Variants in ANKFN1 observed in about 807,000 individuals in gnomAD.
ANKFN1 encodes ankyrin repeat and fibronectin type III domain containing 1.
Under a neutral mutation model 108.7 loss-of-function variants are expected in ANKFN1, and 74 were observed. That is an observed-to-expected ratio of 0.68 (90% CI 0.56 to 0.83). ANKFN1 has a LOEUF of 0.83. Ranked by LOEUF, ANKFN1 falls within the 40% of genes least tolerant of loss-of-function variation. The probability of loss-of-function intolerance (pLI) is 0.00; values close to 1 mark genes in which losing one functional copy is unlikely to be tolerated. For synonymous variants in ANKFN1, 547 were observed against 516.2 expected (o/e 1.06, Z -0.81); for missense variants, 1,505 against 1,382.3 (o/e 1.09, Z -1.41).
chr17:56,394,156 C>G (rs1462336858), intron 8 of ANKFN1, among the ~76,000 whole-genome samples: 1 of 152,176 alleles, frequency 6.6e-6, no homozygotes, highest in African/African-American at 2.4e-5. Flanking sequence ...TTGTCCAACA[C>G]CCTTCTTTCA....
At chr17:56,368,712 GA>G (rs1175512518) in intron 6 of ANKFN1, among the ~76,000 whole-genome samples, 1 of 151,904 alleles carries the variant, frequency 6.6e-6, no homozygotes, top group East Asian at 1.9e-4. Context: ...TTGTCCAGTT[GA>G]AAAAAGGTTG....
At chr17:56,381,831 G>A (rs994137766) in intron 8 of ANKFN1, among the ~76,000 whole-genome samples, 1 of 152,148 alleles carries the variant, frequency 6.6e-6, no homozygotes, top group Non-Finnish European at 1.5e-5. Flanking sequence ...GAATGTGACG[G>A]GGAGAATGGA....
Position 56,372,751 on chromosome 17 carries a change from T to C in ANKFN1, c.707T>C (p.Leu236Pro), listed in dbSNP as rs1449724678. The change falls in exon 7 of 21, where the codon CTG becomes CCG. Residue 236 changes from leucine to proline, a missense_variant. By Grantham distance (98) the Leu-to-Pro change is moderately conservative. Coordinates refer to ENST00000682825, the MANE Select transcript of ANKFN1 (RefSeq NM_001370326.1). The part of the protein sequence containing the change: ...SAQVENEGFT[L>P]DNTEKEKQLK... ...CAGGTGGAGAATGAAGGATTCACTCTGGACAACACAGAGAAAGAGAAGCAG... is the reference window on the plus strand; with the variant it reads ...CAGGTGGAGAATGAAGGATTCACTCCGGACAACACAGAGAAAGAGAAGCAG... The C allele has an allele frequency of 5.0e-6, 8 of 1,614,064 alleles. No individual in the cohort carries two copies. Among genetic ancestry groups the C allele is most frequent in the South Asian group, 1.1e-5 (1 of 91,078 alleles).
intron 4 of ANKFN1, among the ~76,000 whole-genome samples, chr17:56,328,789 G>T (rs893340933): frequency 2.6e-5 from 4 of 151,734 alleles, no homozygotes; most frequent in African/African-American, 4.8e-5. Flanking sequence ...AAAAAAAAGG[G>T]GGGGCAGGAA....
chr17:56,370,962 C>T (rs2046796157), intron 6 of ANKFN1, among the ~76,000 whole-genome samples: 1 of 151,314 alleles, frequency 6.6e-6, no homozygotes, highest in Non-Finnish European at 1.5e-5. Context: ...TTTTTTTCTC[C>T]AGAACCTCTG....
intron 2 of ANKFN1, among the ~76,000 whole-genome samples, chr17:56,219,398 C>T (rs968975945): frequency 6.6e-6 from 1 of 152,006 alleles, no homozygotes; most frequent in African/African-American, 2.4e-5. Flanking sequence ...AGGTGTGCAC[C>T]ACCATGCCTG....
At position 56,262,022 on chromosome 17, in the gene ANKFN1, C is replaced by G. The variant is rs188605489; in HGVS notation, c.53+34065C>G. ...AGCCTAAGGGATCTGAAAGGCATTT[C>G]AAGATCAACGTGGAGAGATTTCCAG... On this transcript the variant is annotated intron_variant, in intron 3 of 20. Transcript: ENST00000682825. 3.5e-3 allele frequency among the ~76,000 whole-genome samples: 527 copies of G among 152,324 alleles called. 3 individuals are homozygous for G. The highest frequency in any genetic ancestry group is 5.4e-3 in the Non-Finnish European group (365 of 68,026).
intron 1 of ANKFN1, among the ~76,000 whole-genome samples, chr17:56,187,982 AT>A (rs1912408469): frequency 6.6e-6 from 1 of 152,204 alleles, no homozygotes; most frequent in African/African-American, 2.4e-5. Context: ...CTGAATGTAA[AT>A]CACAAGTTAA....
intron 4 of ANKFN1, among the ~76,000 whole-genome samples, chr17:56,100,021 CAAAG>C (rs910732347): frequency 6.6e-6 from 1 of 152,298 alleles, no homozygotes; most frequent in South Asian, 2.1e-4. Flanking sequence ...GAAACTCTAA[CAAAG>C]AAAGCGGCAA....
In ANKFN1 at chr17:56,092,249, A is replaced by G. The variant is rs531075147; in HGVS notation, c.288+45924A>G. 6.7e-5 allele frequency among the ~76,000 whole-genome samples: 10 copies of G among 148,528 alleles called. 1 individual carries two copies. Among genetic ancestry groups the G allele is most frequent in the Non-Finnish European group, 1.2e-4 (8 of 67,332 alleles). On this transcript the variant is annotated intron_variant, in intron 4 of 12. Transcript: ENST00000635860. ...AATTTGTCTGCATCACAATGTAGGC[A>G]CAGGGAGTGAGGTAGTATTTTTTTT...
At chr17:56,050,098 A>G (rs1401379788) in intron 4 of ANKFN1, among the ~76,000 whole-genome samples, 1 of 151,748 alleles carries the variant, frequency 6.6e-6, no homozygotes, top group Non-Finnish European at 1.5e-5. Context: ...CTGGTGTGAG[A>G]TGGTATCTCA....
chr17:56,423,106 T>C (rs1460949813), intron 8 of ANKFN1, among the ~76,000 whole-genome samples: 1 of 152,196 alleles, frequency 6.6e-6, no homozygotes, highest in Admixed American at 6.5e-5. Context: ...AAAGTGTAGA[T>C]ATGTCACTAT....
chr17:56,082,293 G>A (rs141434164), intron 4 of ANKFN1, among the ~76,000 whole-genome samples: 1 of 18,754 alleles, frequency 5.3e-5, no homozygotes, highest in South Asian at 8.9e-4. Context: ...TTTTGTTTTT[G>A]TTTTTGTTTT....
chr17:56,215,456 C>T (rs72833803), intron 2 of ANKFN1, among the ~76,000 whole-genome samples: 179 of 152,248 alleles, frequency 1.2e-3, no homozygotes, highest in Non-Finnish European at 2.2e-3. Flanking sequence ...TGAGTTTTCT[C>T]AACTTAGAAT....
chr17:56,399,180 A>G (rs548742832), intron 8 of ANKFN1, among the ~76,000 whole-genome samples: 4 of 152,270 alleles, frequency 2.6e-5, no homozygotes, highest in African/African-American at 9.6e-5. Flanking sequence ...ATATCATGCC[A>G]TAGTTAACAC....
intron 3 of ANKFN1, among the ~76,000 whole-genome samples, chr17:56,231,657 G>A (rs766476748): frequency 3.3e-5 from 5 of 152,112 alleles, no homozygotes; most frequent in Non-Finnish European, 5.9e-5. Flanking sequence ...ATGCACAAAG[G>A]CCACGTATTT....
Position 56,464,384 on chromosome 17 carries a change from C to T in ANKFN1, c.1558-1972C>T, listed in dbSNP as rs144393413. On this transcript the variant is annotated intron_variant, in intron 14 of 20. Coordinates refer to ENST00000682825, the MANE Select transcript of ANKFN1 (RefSeq NM_001370326.1). Reference sequence around the variant, plus strand: ...TAATACAATATGTTAATTAAGTCAACGAAAAGTGGCTGAGTCCTTTCCATG... The same window carrying T: ...TAATACAATATGTTAATTAAGTCAATGAAAAGTGGCTGAGTCCTTTCCATG... Among the ~76,000 whole-genome samples, 4 of 152,210 alleles carry T rather than the reference C, an allele frequency of 2.6e-5. No individual in the cohort carries two copies. In the East Asian group the frequency reaches 5.8e-4, roughly 22 times the overall value.
At chr17:56,239,457 A>G (rs1023476016) in intron 3 of ANKFN1, among the ~76,000 whole-genome samples, 2 of 152,208 alleles carry the variant, frequency 1.3e-5, no homozygotes, top group Non-Finnish European at 2.9e-5. Flanking sequence ...TGTGATCATT[A>G]CAACATTGTA....
At chr17:56,082,371 A>G (rs762014200) in intron 4 of ANKFN1, among the ~76,000 whole-genome samples, 1 of 151,802 alleles carries the variant, frequency 6.6e-6, no homozygotes, top group Non-Finnish European at 1.5e-5. Context: ...TTGAATCTCC[A>G]CGGGCTCTAT....
Sources: allele counts gnomAD v4.1 joint callset (sites outside exome capture counted in the v4.1 genomes callset), GRCh38; gene constraint gnomAD v4.1.1; transcripts MANE v1.5; gene names NCBI Gene and HGNC (gene_info 2026-07-23, HGNC 2026-07-21).